Variants in AASS observed in about 807,000 individuals in gnomAD.
AASS encodes the protein aminoadipate-semialdehyde synthase, also known as alpha-aminoadipic semialdehyde synthase, mitochondrial.
In AASS, 86 loss-of-function variants were observed where a neutral mutation model predicts 105.4. The ratio of observed to expected loss-of-function variants is 0.82; its 90% CI spans 0.69 to 0.98. AASS has a LOEUF of 0.98. Among genes scored for constraint, AASS ranks in the 50% least tolerant of loss-of-function variants. AASS has a pLI of 0.00. For missense variants in AASS, 1,048 were observed against 1,143.2 expected, an observed-to-expected ratio of 0.92 and a Z score of 1.20; for synonymous variants, 381 against 394.8, an observed-to-expected ratio of 0.96 and a Z score of 0.41.
intron 18 of AASS, among the ~76,000 whole-genome samples, chr7:122,088,396 A>G (rs1793731000): frequency 6.6e-6 from 1 of 152,128 alleles, no homozygotes; most frequent in South Asian, 2.1e-4. Flanking sequence ...TCTTTAATCC[A>G]TGAAACAACT....
chr7:122,127,517 G>C (rs1795711145), intron 3 of AASS, among the ~76,000 whole-genome samples: 3 of 151,804 alleles, frequency 2.0e-5, no homozygotes, highest in Admixed American at 2.0e-4. Context: ...AGTTCCTAAA[G>C]TAATTTATAA....
At position 122,086,099 on chromosome 7, in the gene AASS, GC is replaced by G; in HGVS notation, c.2096del (p.Gly699AlafsTer27). On this transcript the variant is annotated frameshift_variant, in exon 19 of 24. Coordinates refer to ENST00000417368, the MANE Select transcript of AASS (RefSeq NM_005763.4). LOFTEE classifies it high-confidence loss of function. ...ATTTCGTACTGTCTCTGTTAGGATA[GC>G]CTTCCAAATTTAATCCTGGAAAAAA... The part of the protein sequence containing the change: ...MDFFPGLNLE[G>X]YPNRDSTKYA... The G allele has an allele frequency of 6.2e-7, 1 of 1,613,524 alleles. No individual in the cohort carries two copies. Among genetic ancestry groups the G allele is most frequent in the East Asian group, 2.2e-5 (1 of 44,840 alleles).
At chr7:122,113,353 C>A in intron 10 of AASS, 124 bp from the exon 11 acceptor site, 1 of 1,041,668 alleles carries the variant, frequency 9.6e-7, no homozygotes. Context: ...AAAGTATACG[C>A]GAAAATAAAC....
Position 122,098,443 on chromosome 7 carries a change from T to A in AASS, c.1655+7A>T. Reference sequence around the variant, plus strand: ...AATATGAAACTCATTTCTTGCCAGATACTGACCTGATGACAAGATCCTGTT... The same window carrying A: ...AATATGAAACTCATTTCTTGCCAGAAACTGACCTGATGACAAGATCCTGTT... On this transcript the variant is annotated splice_region_variant and intron_variant, in intron 15 of 23. Coordinates refer to ENST00000417368, the MANE Select transcript of AASS (RefSeq NM_005763.4). The A allele has an allele frequency of 6.2e-7, 1 of 1,611,888 alleles. No individual in the cohort carries two copies. Among genetic ancestry groups the A allele is most frequent in the Non-Finnish European group, 8.5e-7 (1 of 1,178,546 alleles).
chr7:122,115,055 G>A lies in AASS; in HGVS notation c.1043+19C>T, dbSNP rs1203599872. 1.2e-6 allele frequency: 2 copies of A among 1,614,090 alleles called. No individual in the cohort carries two copies. The highest frequency in any genetic ancestry group is 2.2e-5 in the East Asian group (1 of 44,874). ...GCAGCTGGTCAAAACTACTATCGTT[G>A]CTGAAGTAGAGTCCTTACTTGTGTG... On this transcript the variant is annotated intron_variant, in intron 9 of 23. Transcript: ENST00000417368.
At chr7:122,140,047 A>G (rs1474497773) in intron 1 of AASS, among the ~76,000 whole-genome samples, 1 of 152,174 alleles carries the variant, frequency 6.6e-6, no homozygotes, top group East Asian at 1.9e-4. Context: ...AGATTTTCAT[A>G]GAGCTTTTTA....
chr7:122,089,162 A>G (rs1275703301), intron 18 of AASS, among the ~76,000 whole-genome samples: 1 of 152,108 alleles, frequency 6.6e-6, no homozygotes, highest in Non-Finnish European at 1.5e-5. Flanking sequence ...AGTGAAGGGC[A>G]AGAATACAAG....
At chr7:122,127,351 A>G (rs1795704510) in intron 3 of AASS, among the ~76,000 whole-genome samples, 1 of 152,132 alleles carries the variant, frequency 6.6e-6, no homozygotes. Flanking sequence ...TATTTCCTCA[A>G]AGATCATATA....
At chr7:122,091,540 G>A (rs1375002507) in intron 18 of AASS, among the ~76,000 whole-genome samples, 163 bp downstream of exon 18, 7 of 152,178 alleles carry the variant, frequency 4.6e-5, no homozygotes, top group Admixed American at 6.5e-5. Flanking sequence ...CAAGGATACC[G>A]TGCTAAATAG....
chr7:122,099,179 C>T (rs1379820440), intron 13 of AASS, among the ~76,000 whole-genome samples: 1 of 151,828 alleles, frequency 6.6e-6, no homozygotes, highest in Non-Finnish European at 1.5e-5. Context: ...TGGACATTTT[C>T]TTGGCTTACT....
At chr7:122,118,524 T>C (rs1344591337) in intron 5 of AASS, 39 bp downstream of exon 5, 8 of 1,614,066 alleles carry the variant, frequency 5.0e-6, no homozygotes, top group Non-Finnish European at 5.1e-6. Context: ...AGGTGTGAGA[T>C]GTGTTTTCAA....
At chr7:122,086,884 C>T (rs1370419035) in intron 18 of AASS, among the ~76,000 whole-genome samples, 2 of 152,172 alleles carry the variant, frequency 1.3e-5, no homozygotes, top group African/African-American at 4.8e-5. Flanking sequence ...TTCTCTTTCC[C>T]ATACCCCTAC....
rs189007252 is a variant in AASS at position 122,091,374 on chromosome 7, C to T, written c.2016+329G>A. ...AGTCTTGGGTAACTTGCCCAAAGTC[C>T]AGCACATAGTAGGTACTCAGAAAAT... On this transcript the variant is annotated intron_variant, in intron 18 of 23. Transcript: ENST00000417368. Among the ~76,000 whole-genome samples the T allele has an allele frequency of 1.4e-4, 21 of 152,218 alleles. No homozygotes were observed. The East Asian group carries it at 3.7e-3, about 27-fold the overall frequency.
intron 2 of AASS, among the ~76,000 whole-genome samples, chr7:122,131,739 G>A (rs1442157857): frequency 3.3e-5 from 5 of 151,884 alleles, no homozygotes; most frequent in African/African-American, 1.2e-4. Flanking sequence ...CCAGATCTTG[G>A]TCTCTATATA....
intron 22 of AASS, among the ~76,000 whole-genome samples, chr7:122,078,623 C>CT (rs1351616510): frequency 6.6e-6 from 1 of 152,056 alleles, no homozygotes; most frequent in Non-Finnish European, 1.5e-5. Flanking sequence ...AAATAACTAA[C>CT]TAACTAACTA....
chr7:122,086,931 CTT>C (rs1169434311), intron 18 of AASS, among the ~76,000 whole-genome samples: 2 of 152,150 alleles, frequency 1.3e-5, no homozygotes, highest in Non-Finnish European at 2.9e-5. Flanking sequence ...TGAAGGATTT[CTT>C]TGTCTCTAAT....
intron 4 of AASS, among the ~76,000 whole-genome samples, chr7:122,122,178 T>A (rs1043333318): frequency 1.3e-5 from 2 of 152,212 alleles, no homozygotes; most frequent in Non-Finnish European, 2.9e-5. Flanking sequence ...GGCTTGGGGT[T>A]TATTGAACTT....
intron 1 of AASS, among the ~76,000 whole-genome samples, chr7:122,136,921 C>T (rs1208998887): frequency 1.3e-5 from 2 of 152,164 alleles, no homozygotes; most frequent in African/African-American, 4.8e-5. Context: ...GACACACACA[C>T]AGACACAAAT....
Position 122,078,856 on chromosome 7 carries a change from G to A in AASS, c.2485+6C>T. On this transcript the variant is annotated splice_donor_region_variant and intron_variant, in intron 22 of 23. Coordinates refer to ENST00000417368, the MANE Select transcript of AASS (RefSeq NM_005763.4). ...AGGTATATTTAGCTAATACTTCATG[G>A]CCTACCATAGGAAAGCTTCATGACC... 1 of 1,611,724 alleles carries A rather than the reference G, an allele frequency of 6.2e-7. No individual in the cohort carries two copies. Among genetic ancestry groups the A allele is most frequent in the Non-Finnish European group, 8.5e-7 (1 of 1,177,936 alleles).
Sources: allele counts gnomAD v4.1 joint callset (sites outside exome capture counted in the v4.1 genomes callset), GRCh38; gene constraint gnomAD v4.1.1; transcripts MANE v1.5; gene names NCBI Gene and HGNC (gene_info 2026-07-23, HGNC 2026-07-21).